Variants in GALNT13 observed in about 807,000 individuals in gnomAD.
The protein encoded by GALNT13 is polypeptide N-acetylgalactosaminyltransferase 13.
A neutral mutation model predicts 64.2 loss-of-function variants in GALNT13; 28 were observed. That is an observed-to-expected ratio of 0.44 (90% CI 0.32 to 0.60). The LOEUF (loss-of-function observed/expected upper bound fraction) is 0.60, where lower values mean the gene tolerates loss of function less well. Ranked by LOEUF, GALNT13 falls within the 20% of genes least tolerant of loss-of-function variation. The pLI, the probability that GALNT13 is intolerant of heterozygous loss-of-function variation, is 0.05. For missense variants in GALNT13, 577 were observed against 669.8 expected (o/e 0.86, Z 1.53); for synonymous variants, 214 against 224.6 (o/e 0.95, Z 0.42).
the GALNT13 span, among the ~76,000 whole-genome samples, chr2:153,764,255 G>T: frequency 6.6e-6 from 1 of 152,144 alleles, no homozygotes; most frequent in African/African-American, 2.4e-5. Flanking sequence ...AAAAAGCAGA[G>T]GCTGGGCATG....
rs139731151 is a variant in GALNT13 at position 154,418,259 on chromosome 2, G to A, written c.1395+9177G>A. 4.9e-3 allele frequency among the ~76,000 whole-genome samples: 740 copies of A among 152,294 alleles called. 6 individuals are homozygous for A. Among genetic ancestry groups the A allele is most frequent in the African/African-American group, 0.017 (696 of 41,568 alleles). ...AGGATGAAATTGTTCCTCTAGAAAT[G>A]TGTGGATTTGGGGCTTTGGTAACTG... On this transcript the variant is annotated intron_variant, in intron 11 of 12. Coordinates refer to ENST00000392825, the MANE Select transcript of GALNT13 (RefSeq NM_052917.4).
chr2:154,394,903 G>T (rs1698985449), intron 9 of GALNT13, among the ~76,000 whole-genome samples: 2 of 152,158 alleles, frequency 1.3e-5, no homozygotes, highest in South Asian at 4.1e-4. Context: ...CAAAAGTTCT[G>T]AAGAGACAAG....
chr2:153,260,022 T>C, the GALNT13 span, among the ~76,000 whole-genome samples: 7 of 152,190 alleles, frequency 4.6e-5, no homozygotes, highest in South Asian at 1.4e-3. Flanking sequence ...AATAACATAT[T>C]CCTTCATTTT....
the GALNT13 span, among the ~76,000 whole-genome samples, chr2:153,406,409 T>C: frequency 1.3e-5 from 2 of 152,254 alleles, no homozygotes; most frequent in South Asian, 4.1e-4. Context: ...TTCTCTATTT[T>C]TTTTTCTTTT....
At chr2:153,776,145 ATAT>A in the GALNT13 span, among the ~76,000 whole-genome samples, 6 of 152,212 alleles carry the variant, frequency 3.9e-5, no homozygotes, top group East Asian at 1.9e-4. Context: ...TAGATGTGAA[ATAT>A]TGTTGTAGAA....
chr2:153,674,675 G>GC, the GALNT13 span, among the ~76,000 whole-genome samples: 1 of 152,084 alleles, frequency 6.6e-6, no homozygotes, highest in Admixed American at 6.6e-5. Context: ...AAAAGCAATG[G>GC]CAACAAAAGC....
the GALNT13 span, among the ~76,000 whole-genome samples, chr2:153,390,166 A>T: frequency 5.3e-5 from 8 of 152,286 alleles, no homozygotes; most frequent in Admixed American, 1.3e-4. Context: ...TTGCAGGGAC[A>T]TGGATGAAGC....
the GALNT13 span, among the ~76,000 whole-genome samples, chr2:153,402,262 C>G: frequency 2.6e-5 from 4 of 151,860 alleles, no homozygotes; most frequent in African/African-American, 9.7e-5. Context: ...GGCCCCCACT[C>G]TCTTCTGGCT....
the GALNT13 span, among the ~76,000 whole-genome samples, chr2:153,147,825 A>C: frequency 6.6e-6 from 1 of 151,772 alleles, no homozygotes; most frequent in African/African-American, 2.4e-5. Context: ...TTGGTCTGCA[A>C]AATGTTTTGG....
the GALNT13 span, among the ~76,000 whole-genome samples, chr2:153,819,198 G>A: frequency 6.6e-6 from 1 of 152,130 alleles, no homozygotes; most frequent in African/African-American, 2.4e-5. Context: ...CAGCAGTACT[G>A]CTATATTTGA....
chr2:153,993,314 A>C (rs913402145), intron 3 of GALNT13, among the ~76,000 whole-genome samples: 1 of 145,262 alleles, frequency 6.9e-6, no homozygotes, highest in Non-Finnish European at 1.6e-5. Context: ...TATTGAATAA[A>C]GTGGAATAAA....
At chr2:153,901,498 C>T (rs1688233950) in intron 2 of GALNT13, among the ~76,000 whole-genome samples, 1 of 151,838 alleles carries the variant, frequency 6.6e-6, no homozygotes, top group Non-Finnish European at 1.5e-5. Context: ...TTTCTTTGAC[C>T]AGTGTTTTGT....
the GALNT13 span, among the ~76,000 whole-genome samples, chr2:153,076,682 AT>A: frequency 6.6e-6 from 1 of 150,572 alleles, no homozygotes; most frequent in African/African-American, 2.5e-5. Flanking sequence ...TTGTATTTAA[AT>A]GTTCATCATT....
the GALNT13 span, among the ~76,000 whole-genome samples, chr2:153,713,252 T>G: frequency 1.3e-5 from 2 of 152,194 alleles, no homozygotes; most frequent in Non-Finnish European, 2.9e-5. Context: ...ACACTTCCCT[T>G]TGTATGAAAT....
At chr2:154,177,144 C>G (rs1286298046) in intron 4 of GALNT13, among the ~76,000 whole-genome samples, 1 of 152,010 alleles carries the variant, frequency 6.6e-6, no homozygotes, top group Non-Finnish European at 1.5e-5. Flanking sequence ...ATTCAGAATT[C>G]TAATCTCAAG....
chr2:153,365,924 A>G, the GALNT13 span, among the ~76,000 whole-genome samples: 13 of 152,208 alleles, frequency 8.5e-5, no homozygotes, highest in Admixed American at 5.2e-4. Context: ...TCATTCTACT[A>G]TAAAGACACA....
chr2:153,682,042 T>C, the GALNT13 span, among the ~76,000 whole-genome samples: 5 of 151,846 alleles, frequency 3.3e-5, no homozygotes, highest in East Asian at 9.7e-4. Context: ...CAACTAAGTA[T>C]TGTCCTGAAC....
the GALNT13 span, among the ~76,000 whole-genome samples, chr2:153,367,637 G>A: frequency 6.6e-6 from 1 of 152,068 alleles, no homozygotes; most frequent in East Asian, 1.9e-4. Flanking sequence ...AAGCCTTGCC[G>A]ACACCATGAC....
intron 9 of GALNT13, among the ~76,000 whole-genome samples, chr2:154,308,552 G>C (rs1350217307): frequency 6.6e-6 from 1 of 152,120 alleles, no homozygotes; most frequent in Admixed American, 6.6e-5. Flanking sequence ...AAAATGTGCA[G>C]TGTGAATATT....
Sources: allele counts gnomAD v4.1 joint callset (sites outside exome capture counted in the v4.1 genomes callset), GRCh38; gene constraint gnomAD v4.1.1; transcripts MANE v1.5; gene names NCBI Gene and HGNC (gene_info 2026-07-23, HGNC 2026-07-21).